UTRN: variants seen among roughly 807,000 people sequenced by gnomAD.
UTRN encodes the protein dystrophin-related protein 1.
A neutral mutation model predicts 463.9 loss-of-function variants in UTRN; 283 were observed. The ratio of observed to expected loss-of-function variants is 0.61; its 90% CI spans 0.55 to 0.67. UTRN has a LOEUF of 0.67. Among genes scored for constraint, UTRN ranks in the 30% least tolerant of loss-of-function variants. The probability of loss-of-function intolerance (pLI) is 0.00; values close to 1 mark genes in which losing one functional copy is unlikely to be tolerated. For missense variants in UTRN, 3,922 were observed against 4,084.3 expected (o/e 0.96, Z 1.08); for synonymous variants, 1,442 against 1,431.5 (o/e 1.01, Z -0.17).
intron 54 of UTRN, among the ~76,000 whole-genome samples, chr6:144,742,665 G>GT: frequency 6.6e-6 from 1 of 152,260 alleles, no homozygotes. Flanking sequence ...CCTTCCTCAA[G>GT]AACCTACTGT....
intron 30 of UTRN, among the ~76,000 whole-genome samples, chr6:144,489,428 C>T (rs113068093): frequency 0.041 from 6,227 of 152,072 alleles, 439 homozygotes; most frequent in African/African-American, 0.14. Context: ...GGATTACAGG[C>T]GTGAGCCACT....
At position 144,852,056 on chromosome 6, in the gene UTRN, C is replaced by G. The variant is rs1176632261; in HGVS notation, c.*1059C>G. ...TTGTATTTTCAAGTCCTTAATAGTT[C>G]TTGAAACTCCTAGTTGTTTTCTTGT... On this transcript the variant is annotated 3_prime_UTR_variant, in exon 75 of 75. Transcript: ENST00000367545. 2 of 152,116 alleles carry G rather than the reference C, an allele frequency of 1.3e-5. No individual in the cohort carries two copies. The highest frequency in any genetic ancestry group is 4.8e-5 in the African/African-American group (2 of 41,430). The allele number at this position is 152,116 out of a possible 1,614,324, so 9.4% of individuals were successfully genotyped here.
At chr6:144,666,656 CT>C (rs1411652306) in intron 51 of UTRN, among the ~76,000 whole-genome samples, 1 of 152,206 alleles carries the variant, frequency 6.6e-6, no homozygotes, top group Non-Finnish European at 1.5e-5. Context: ...AAAATAATGT[CT>C]GTGGATTTCC....
chr6:144,362,244 C>A (rs534604598), intron 2 of UTRN, among the ~76,000 whole-genome samples: 3 of 152,092 alleles, frequency 2.0e-5, no homozygotes, highest in Non-Finnish European at 4.4e-5. Context: ...AGTGAAGGAG[C>A]CAACTGAGGG....
At chr6:144,578,824 G>A (rs1447398839) in intron 51 of UTRN, among the ~76,000 whole-genome samples, 3 of 152,112 alleles carry the variant, frequency 2.0e-5, no homozygotes, top group Non-Finnish European at 4.4e-5. Flanking sequence ...TTTTAAATCC[G>A]TTCTTAGGAA....
chr6:144,621,356 A>G (rs952594031), intron 51 of UTRN, among the ~76,000 whole-genome samples: 15 of 152,240 alleles, frequency 9.9e-5, no homozygotes, highest in Non-Finnish European at 1.3e-4. Flanking sequence ...CAGAGAAACC[A>G]TGTATTTTTT....
At chr6:144,663,064 C>T (rs1480231972) in intron 51 of UTRN, among the ~76,000 whole-genome samples, 5 of 152,144 alleles carry the variant, frequency 3.3e-5, no homozygotes, top group African/African-American at 1.2e-4. Context: ...TCTTCTAGAA[C>T]CAGAAAGGGC....
chr6:144,460,287 C>T (rs889471310), intron 21 of UTRN, among the ~76,000 whole-genome samples: 7 of 152,172 alleles, frequency 4.6e-5, no homozygotes, highest in Non-Finnish European at 1.0e-4. Context: ...TATTTACTTC[C>T]TAGCTGCCAT....
At chr6:144,332,652 G>C (rs1242115963) in intron 2 of UTRN, among the ~76,000 whole-genome samples, 1 of 151,830 alleles carries the variant, frequency 6.6e-6, no homozygotes, top group Non-Finnish European at 1.5e-5. Context: ...ACAAACACAA[G>C]AAAAATTCAT....
intron 63 of UTRN, 98 bp from the exon 64 acceptor site, chr6:144,797,726 C>G: frequency 7.8e-7 from 1 of 1,284,564 alleles, no homozygotes; most frequent in Non-Finnish European, 1.1e-6. Context: ...ATAGTTTCCT[C>G]TTCTGCACAA....
intron 2 of UTRN, among the ~76,000 whole-genome samples, chr6:144,353,056 C>T (rs1383858897): frequency 6.6e-6 from 1 of 152,152 alleles, no homozygotes; most frequent in Non-Finnish European, 1.5e-5. Flanking sequence ...AGTCCTCCCA[C>T]CTCAGCCTCC....
intron 19 of UTRN, among the ~76,000 whole-genome samples, chr6:144,455,709 T>C (rs1788748087): frequency 1.3e-5 from 2 of 152,314 alleles, no homozygotes; most frequent in South Asian, 4.1e-4. Context: ...TCTAGTTTCT[T>C]ATCCTTGGGA....
At position 144,548,768 on chromosome 6, in the gene UTRN, C is replaced by T. The variant is rs1021952280; in HGVS notation, c.6724C>T (p.Leu2242=). ...DKTITELADW[L]VLIDQMLKSN... Reference sequence around the variant, plus strand: ...AACTATAACAGAACTAGCCGACTGGCTGGTATTAATCGACCAGATGCTGAA... The same window carrying T: ...AACTATAACAGAACTAGCCGACTGGTTGGTATTAATCGACCAGATGCTGAA... Residue 2242 remains leucine, a synonymous_variant, in exon 47 of 75, where the codon CTG becomes TTG. Coordinates refer to ENST00000367545, the MANE Select transcript of UTRN (RefSeq NM_007124.3). 2 of 1,614,020 alleles carry T rather than the reference C, an allele frequency of 1.2e-6. No homozygotes were observed. The highest frequency in any genetic ancestry group is 1.7e-6 in the Non-Finnish European group (2 of 1,179,964).
chr6:144,436,168 T>A (rs1786515308), intron 10 of UTRN, 30 bp downstream of exon 10: 1 of 1,598,096 alleles, frequency 6.3e-7, no homozygotes, highest in Non-Finnish European at 8.5e-7. Flanking sequence ...TAGCAGGGTG[T>A]GTCCCCCACG....
At chr6:144,714,357 T>C (rs1481263457) in intron 53 of UTRN, among the ~76,000 whole-genome samples, 2 of 152,260 alleles carry the variant, frequency 1.3e-5, no homozygotes, top group Admixed American at 6.5e-5. Context: ...CATTTATTTT[T>C]TTCTGCTTAT....
At chr6:144,650,294 G>A (rs1225560475) in intron 51 of UTRN, among the ~76,000 whole-genome samples, 2 of 152,114 alleles carry the variant, frequency 1.3e-5, no homozygotes, top group Non-Finnish European at 2.9e-5. Context: ...ATTTGGGTGG[G>A]ACACAGCCAA....
At chr6:144,716,452 G>A (rs974236010) in intron 53 of UTRN, among the ~76,000 whole-genome samples, 1 of 152,116 alleles carries the variant, frequency 6.6e-6, no homozygotes, top group Middle Eastern at 3.4e-3. Flanking sequence ...AGTCATTGAA[G>A]CAAAATATAA....
At chr6:144,308,815 T>G (rs894093284) in intron 2 of UTRN, among the ~76,000 whole-genome samples, 14 of 152,228 alleles carry the variant, frequency 9.2e-5, no homozygotes, top group African/African-American at 3.4e-4. Context: ...ATTGTTTTTC[T>G]TCTAGCAAAA....
At position 144,835,953 on chromosome 6, in the gene UTRN, G is replaced by A. The variant is rs1181288321; in HGVS notation, c.9824+15G>A. ...GAAGAACAAAGGTGTGCTAGGCCTGGGAGAAGGAAATATGTCATCCTTTCT... is the reference window on the plus strand; with the variant it reads ...GAAGAACAAAGGTGTGCTAGGCCTGAGAGAAGGAAATATGTCATCCTTTCT... On this transcript the variant is annotated intron_variant, in intron 70 of 74. Transcript: ENST00000367545. 12 of 1,612,144 alleles carry A rather than the reference G, an allele frequency of 7.4e-6. No individual in the cohort carries two copies. Among genetic ancestry groups the A allele is most frequent in the African/African-American group, 1.3e-5 (1 of 74,860 alleles).
Sources: allele counts gnomAD v4.1 joint callset (sites outside exome capture counted in the v4.1 genomes callset), GRCh38; gene constraint gnomAD v4.1.1; transcripts MANE v1.5; gene names NCBI Gene and HGNC (gene_info 2026-07-23, HGNC 2026-07-21).